The following ADAM19 variants were observed in gnomAD, a reference collection of about 807,000 sequenced individuals.
ADAM19 encodes the protein ADAM metallopeptidase domain 19.
A neutral mutation model predicts 114.7 loss-of-function variants in ADAM19; 65 were observed. That is an observed-to-expected ratio of 0.57 (90% CI 0.46 to 0.70). ADAM19 has a LOEUF of 0.70. Among genes scored for constraint, ADAM19 ranks in the 30% least tolerant of loss-of-function variants. The pLI, the probability that ADAM19 is intolerant of heterozygous loss-of-function variation, is 0.00. For missense variants in ADAM19, 1,063 were observed against 1,204.7 expected, an observed-to-expected ratio of 0.88 and a Z score of 1.74; for synonymous variants, 466 against 460.5, an observed-to-expected ratio of 1.01 and a Z score of -0.15.
At chr5:157,554,767 G>A (rs1408938909) in intron 3 of ADAM19, among the ~76,000 whole-genome samples, 3 of 152,128 alleles carry the variant, frequency 2.0e-5, no homozygotes, top group African/African-American at 7.2e-5. Context: ...TCCTTTAAGA[G>A]CATTACGTTA....
chr5:157,558,360 G>C (rs1310796775), intron 3 of ADAM19, among the ~76,000 whole-genome samples: 1 of 152,224 alleles, frequency 6.6e-6, no homozygotes, highest in Non-Finnish European at 1.5e-5. Flanking sequence ...CCAGCTGCGA[G>C]TAGAGTTTGG....
At chr5:157,565,636 G>T (rs1757637714) in intron 2 of ADAM19, among the ~76,000 whole-genome samples, 1 of 151,818 alleles carries the variant, frequency 6.6e-6, no homozygotes, top group African/African-American at 2.4e-5. Flanking sequence ...TTGAACCTGG[G>T]AGGCGAAGGT....
At chr5:157,538,088 C>T (rs889184500) in intron 3 of ADAM19, 97 bp from the exon 4 acceptor site, 1 of 912,854 alleles carries the variant, frequency 1.1e-6, no homozygotes, top group African/African-American at 1.7e-5. Flanking sequence ...CAGGACTATC[C>T]CAAGCATCTC....
At chr5:157,559,370 A>G (rs1757454070) in intron 3 of ADAM19, among the ~76,000 whole-genome samples, 1 of 152,240 alleles carries the variant, frequency 6.6e-6, no homozygotes, top group Non-Finnish European at 1.5e-5. Flanking sequence ...AGACAGAAGC[A>G]TATGGCCAAA....
At chr5:157,546,299 T>C (rs1354733727) in intron 3 of ADAM19, among the ~76,000 whole-genome samples, 1 of 152,194 alleles carries the variant, frequency 6.6e-6, no homozygotes, top group Non-Finnish European at 1.5e-5. Context: ...AGAAGGGATG[T>C]ATATGTGCAC....
At chr5:157,534,019 C>T (rs11954828) in intron 4 of ADAM19, among the ~76,000 whole-genome samples, 1,523 of 152,248 alleles carry the variant, frequency 0.01, 35 homozygotes, top group African/African-American at 0.035. Context: ...TGAAGAATCC[C>T]TGCACCTCTT....
intron 7 of ADAM19, among the ~76,000 whole-genome samples, chr5:157,516,563 A>C (rs989704588): frequency 6.6e-6 from 1 of 152,194 alleles, no homozygotes; most frequent in Non-Finnish European, 1.5e-5. Context: ...AGAACAATGC[A>C]AGGCCAAAGG....
chr5:157,552,310 C>T (rs193029176), intron 3 of ADAM19, among the ~76,000 whole-genome samples: 8 of 152,236 alleles, frequency 5.3e-5, no homozygotes, highest in African/African-American at 1.9e-4. Context: ...CTATGTCATG[C>T]TACCATATGA....
Position 157,553,423 on chromosome 5 carries a change from A to T in ADAM19, c.251+10950T>A, listed in dbSNP as rs181075289. Among the ~76,000 whole-genome samples the T allele has an allele frequency of 1.7e-3, 257 of 152,326 alleles. 2 individuals are homozygous for T. Among genetic ancestry groups the T allele is most frequent in the African/African-American group, 5.9e-3 (245 of 41,572 alleles). On this transcript the variant is annotated intron_variant, in intron 3 of 22. Transcript: ENST00000257527. ...AATAGAACTTCTAATTAATTTTTTT[A>T]AATATGATAAAGGTACATGGAGACA...
At position 157,490,301 on chromosome 5, in the gene ADAM19, C is replaced by T; in HGVS notation, c.2240+9G>A. ...TTGACCCTGAGTCCTCCATTGAACCCTGTCATACCTGAACTGTTGCCTCAG... is the reference window on the plus strand; with the variant it reads ...TTGACCCTGAGTCCTCCATTGAACCTTGTCATACCTGAACTGTTGCCTCAG... On this transcript the variant is annotated intron_variant, in intron 19 of 22. Transcript: ENST00000257527. 1 of 1,614,048 alleles carries T rather than the reference C, an allele frequency of 6.2e-7. No homozygotes were observed. Among genetic ancestry groups the T allele is most frequent in the Non-Finnish European group, 8.5e-7 (1 of 1,179,962 alleles).
At chr5:157,526,501 C>T (rs1756465774) in intron 5 of ADAM19, among the ~76,000 whole-genome samples, 1 of 152,210 alleles carries the variant, frequency 6.6e-6, no homozygotes, top group Non-Finnish European at 1.5e-5. Context: ...AACACACAGG[C>T]TCAGTCAGAG....
At chr5:157,551,492 T>C (rs1757197607) in intron 3 of ADAM19, among the ~76,000 whole-genome samples, 1 of 147,000 alleles carries the variant, frequency 6.8e-6, no homozygotes, top group Admixed American at 6.8e-5. Context: ...GGGGAAAATC[T>C]CCAGGACATT....
chr5:157,504,791 G>A (rs1310997069), intron 11 of ADAM19, among the ~76,000 whole-genome samples: 3 of 152,036 alleles, frequency 2.0e-5, no homozygotes, highest in Non-Finnish European at 4.4e-5. Flanking sequence ...GTCCTTTGAA[G>A]AAACTCCCTA....
chr5:157,482,002 C>A, intron 21 of ADAM19, 59 bp from the exon 22 acceptor site: 2 of 1,344,068 alleles, frequency 1.5e-6, no homozygotes, highest in South Asian at 3.0e-5. Flanking sequence ...AAGAAAATAT[C>A]CCTGATATCT....
chr5:157,540,619 G>A (rs917839438), intron 3 of ADAM19, among the ~76,000 whole-genome samples: 2 of 152,040 alleles, frequency 1.3e-5, no homozygotes, highest in Non-Finnish European at 2.9e-5. Flanking sequence ...CTTCTCCCCG[G>A]CCCCCAGCAC....
rs145839975 is a variant in ADAM19 at position 157,547,085 on chromosome 5, G to A, written c.252-9094C>T. Among the ~76,000 whole-genome samples, 69 of 152,294 alleles carry A rather than the reference G, an allele frequency of 4.5e-4. 1 individual carries two copies. In the East Asian group the frequency reaches 9.4e-3, roughly 21 times the overall value. Reference sequence around the variant, plus strand: ...TTTTGCTTCTGCTGGGCCTGTCAGCGTTATGGAAAGAGTACAGGACACTGC... The same window carrying A: ...TTTTGCTTCTGCTGGGCCTGTCAGCATTATGGAAAGAGTACAGGACACTGC... On this transcript the variant is annotated intron_variant, in intron 3 of 22. Transcript: ENST00000257527.
chr5:157,478,523 G>A lies in ADAM19; in HGVS notation c.*2426C>T, dbSNP rs1319255499. 1 of 956,826 alleles carries A rather than the reference G, an allele frequency of 1.0e-6. No homozygotes were observed. The highest frequency in any genetic ancestry group is 1.8e-5 in the African/African-American group (1 of 56,566). The allele number at this position is 956,826 out of a possible 1,614,324, so 59.3% of individuals were successfully genotyped here. On this transcript the variant is annotated 3_prime_UTR_variant, in exon 23 of 23. Coordinates refer to ENST00000257527, the MANE Select transcript of ADAM19 (RefSeq NM_033274.5). ...CTTCTGCAATCGTGCTTTGGAATAAGGTCTCTCCTTCCCTAAGCCCAGATT... is the reference window on the plus strand; with the variant it reads ...CTTCTGCAATCGTGCTTTGGAATAAAGTCTCTCCTTCCCTAAGCCCAGATT...
At chr5:157,490,241 A>G in intron 19 of ADAM19, 69 bp downstream of exon 19, 1 of 1,570,768 alleles carries the variant, frequency 6.4e-7, no homozygotes. Context: ...CACTTTTGCT[A>G]AGTACCATTT....
chr5:157,566,700 T>C (rs1757673307), intron 2 of ADAM19: 1 of 152,202 alleles, frequency 6.6e-6, no homozygotes, highest in Admixed American at 6.5e-5. Context: ...TGACAACTTT[T>C]TTTGAGACGG....
Sources: allele counts gnomAD v4.1 joint callset (sites outside exome capture counted in the v4.1 genomes callset), GRCh38; gene constraint gnomAD v4.1.1; transcripts MANE v1.5; gene names NCBI Gene and HGNC (gene_info 2026-07-23, HGNC 2026-07-21).